RFX3: variants seen among roughly 807,000 people sequenced by gnomAD.
The protein encoded by RFX3 is regulatory factor X3.
In RFX3, 14 loss-of-function variants were observed where a neutral mutation model predicts 98.6. The observed-to-expected ratio is 0.14, with a 90% CI of 0.09 to 0.22. The LOEUF (loss-of-function observed/expected upper bound fraction) is 0.22, where lower values mean the gene tolerates loss of function less well. Among genes scored for constraint, RFX3 ranks in the 10% least tolerant of loss-of-function variants. The pLI, the probability that RFX3 is intolerant of heterozygous loss-of-function variation, is 1.00. For synonymous variants in RFX3, 383 were observed against 328.4 expected (o/e 1.17, Z -1.80); for missense variants, 639 against 926.9 (o/e 0.69, Z 4.03).
intron 1 of RFX3, among the ~76,000 whole-genome samples, chr9:3,478,787 A>T (rs1053393012): frequency 2.0e-5 from 3 of 152,100 alleles, no homozygotes; most frequent in Non-Finnish European, 2.9e-5. Context: ...AGTTCTCCAG[A>T]CTTTCCTTTT....
At chr9:3,326,128 A>T (rs1351445523) in intron 4 of RFX3, among the ~76,000 whole-genome samples, 2 of 152,122 alleles carry the variant, frequency 1.3e-5, no homozygotes, top group African/African-American at 4.8e-5. Context: ...TTTTAAATGT[A>T]TGTGTATGTA....
At chr9:3,502,018 G>A (rs913736385) in intron 1 of RFX3, among the ~76,000 whole-genome samples, 10 of 151,778 alleles carry the variant, frequency 6.6e-5, no homozygotes, top group African/African-American at 9.7e-5. Flanking sequence ...CTGGGAGGCC[G>A]AGGCGGGCGG....
intron 4 of RFX3, among the ~76,000 whole-genome samples, chr9:3,316,097 G>A (rs559340820): frequency 3.3e-5 from 5 of 152,038 alleles, no homozygotes; most frequent in South Asian, 4.1e-4. Flanking sequence ...GATCAATATC[G>A]CTGATGAACA....
At chr9:3,358,775 G>A (rs1836065612) in intron 2 of RFX3, among the ~76,000 whole-genome samples, 1 of 152,078 alleles carries the variant, frequency 6.6e-6, no homozygotes, top group African/African-American at 2.4e-5. Flanking sequence ...GGGCTTGGGA[G>A]GCCTCAGGAA....
chr9:3,421,452 T>C (rs1843432713), intron 1 of RFX3, among the ~76,000 whole-genome samples: 1 of 152,210 alleles, frequency 6.6e-6, no homozygotes, highest in Non-Finnish European at 1.5e-5. Context: ...TCCAACTCCA[T>C]AGAAATAACC....
At chr9:3,267,756 T>C (rs1186228248) in intron 11 of RFX3, among the ~76,000 whole-genome samples, 3 of 151,844 alleles carry the variant, frequency 2.0e-5, no homozygotes, top group African/African-American at 7.2e-5. Flanking sequence ...TTTTCTGTTG[T>C]ATTATGTGCT....
intron 7 of RFX3, among the ~76,000 whole-genome samples, chr9:3,279,478 T>C (rs1188333867): frequency 6.6e-6 from 1 of 151,844 alleles, no homozygotes; most frequent in Non-Finnish European, 1.5e-5. Context: ...TAATTTTTAA[T>C]ACAGGATTGC....
chr9:3,383,690 G>A (rs1019490908), intron 2 of RFX3, among the ~76,000 whole-genome samples: 5 of 152,140 alleles, frequency 3.3e-5, no homozygotes, highest in African/African-American at 1.2e-4. Flanking sequence ...GGGCTGTAAG[G>A]AAAATGAACC....
chr9:3,250,082 T>A (rs1821183900), intron 14 of RFX3, among the ~76,000 whole-genome samples: 1 of 151,952 alleles, frequency 6.6e-6, no homozygotes, highest in African/African-American at 2.4e-5. Context: ...AAGATTACAA[T>A]ATAAGAGTTA....
intron 7 of RFX3, among the ~76,000 whole-genome samples, chr9:3,285,958 T>A (rs183540082): frequency 2.0e-4 from 30 of 151,914 alleles, no homozygotes; most frequent in African/African-American, 3.9e-4. Context: ...AGGTTTTTTT[T>A]ATAAAGAATG....
chr9:3,284,618 G>C (rs1826336981), intron 7 of RFX3, among the ~76,000 whole-genome samples: 1 of 151,572 alleles, frequency 6.6e-6, no homozygotes, highest in Non-Finnish European at 1.5e-5. Flanking sequence ...AGTGATATTT[G>C]AAATATTTAC....
chr9:3,427,059 C>T (rs1237115372), intron 1 of RFX3, among the ~76,000 whole-genome samples: 2 of 151,640 alleles, frequency 1.3e-5, no homozygotes, highest in African/African-American at 4.8e-5. Context: ...TGTTTAAGTC[C>T]TTTTATTGGT....
chr9:3,253,930 A>G (rs1174980879), intron 14 of RFX3, among the ~76,000 whole-genome samples: 1 of 152,162 alleles, frequency 6.6e-6, no homozygotes, highest in Non-Finnish European at 1.5e-5. Flanking sequence ...AAAACAGTTC[A>G]GATATTAAAG....
intron 1 of RFX3, among the ~76,000 whole-genome samples, chr9:3,422,451 A>C (rs1039085356): frequency 3.9e-5 from 6 of 152,214 alleles, no homozygotes; most frequent in Non-Finnish European, 7.3e-5. Flanking sequence ...CATGGGGTAG[A>C]TCTGCCCAAC....
Position 3,223,202 on chromosome 9 carries a change from T to G in RFX3, c.*1840A>C, listed in dbSNP as rs565425331. The G allele has an allele frequency of 1.3e-5, 2 of 152,316 alleles. No homozygotes were observed. The highest frequency in any genetic ancestry group is 4.8e-5 in the African/African-American group (2 of 41,570). 9.4% of individuals were successfully genotyped at this position (152,316 alleles called of 1,614,324 possible). On this transcript the variant is annotated 3_prime_UTR_variant, in exon 17 of 17. Transcript: ENST00000617270. Reference sequence around the variant, plus strand: ...TATCTATTTATTTTTGCTGATTAGTTTTTTACAACTATTTAAATGAACAGA... The same window carrying G: ...TATCTATTTATTTTTGCTGATTAGTGTTTTACAACTATTTAAATGAACAGA...
chr9:3,326,614 C>T (rs775660401), intron 4 of RFX3, among the ~76,000 whole-genome samples: 7 of 152,092 alleles, frequency 4.6e-5, no homozygotes, highest in Non-Finnish European at 1.0e-4. Flanking sequence ...CATTAGTTTG[C>T]TAAGGAAAAT....
chr9:3,387,894 C>T (rs1390206761), intron 2 of RFX3, among the ~76,000 whole-genome samples: 1 of 152,014 alleles, frequency 6.6e-6, no homozygotes, highest in Admixed American at 6.6e-5. Flanking sequence ...TGACCCTGAA[C>T]AGAAAAGAAA....
intron 1 of RFX3, among the ~76,000 whole-genome samples, chr9:3,449,570 G>A (rs1047351003): frequency 6.6e-5 from 10 of 152,114 alleles, no homozygotes; most frequent in African/African-American, 2.2e-4. Flanking sequence ...ACTAACATAC[G>A]GAAAATTGGC....
intron 12 of RFX3, 49 bp downstream of exon 12, chr9:3,266,159 C>T: frequency 8.9e-7 from 1 of 1,118,034 alleles, no homozygotes; most frequent in South Asian, 1.4e-5. Flanking sequence ...GTTCACAATT[C>T]AGAATAATTT....
Sources: allele counts gnomAD v4.1 joint callset (sites outside exome capture counted in the v4.1 genomes callset), GRCh38; gene constraint gnomAD v4.1.1; transcripts MANE v1.5; gene names NCBI Gene and HGNC (gene_info 2026-07-23, HGNC 2026-07-21).